Variants in LAMC3 observed in about 807,000 individuals in gnomAD.
The protein encoded by LAMC3 is laminin subunit gamma-3.
In LAMC3, 128 loss-of-function variants were observed where a neutral mutation model predicts 173.8. The ratio of observed to expected loss-of-function variants is 0.74; its 90% confidence interval spans 0.64 to 0.85. LAMC3 has a LOEUF of 0.85. Ranked by LOEUF, LAMC3 falls within the 40% of genes least tolerant of loss-of-function variation. The probability of loss-of-function intolerance (pLI) is 0.00; values close to 1 mark genes in which losing one functional copy is unlikely to be tolerated. For synonymous variants in LAMC3, 897 were observed against 909.1 expected (o/e 0.99, Z 0.24); for missense variants, 2,022 against 2,156.0 (o/e 0.94, Z 1.23).
chr9:131,041,099 G>A (rs772413475), intron 6 of LAMC3, among the ~76,000 whole-genome samples: 1 of 152,142 alleles, frequency 6.6e-6, no homozygotes, highest in Admixed American at 6.5e-5. Flanking sequence ...GAGCACGGTG[G>A]CTCATGTATG....
At chr9:131,065,731 C>T (rs759908431) in intron 13 of LAMC3, among the ~76,000 whole-genome samples, 6 of 151,912 alleles carry the variant, frequency 3.9e-5, no homozygotes, top group Admixed American at 6.6e-5. Flanking sequence ...CACCACCACA[C>T]GTGATCACGG....
At chr9:131,023,418 C>G (rs1733088944) in intron 1 of LAMC3, among the ~76,000 whole-genome samples, 1 of 152,118 alleles carries the variant, frequency 6.6e-6, no homozygotes, top group South Asian at 2.1e-4. Context: ...GGTTCCAATC[C>G]CCCAACTTCC....
At chr9:131,070,753 C>T (rs939823724) in intron 17 of LAMC3, among the ~76,000 whole-genome samples, 2 of 152,150 alleles carry the variant, frequency 1.3e-5, no homozygotes, top group Non-Finnish European at 2.9e-5. Context: ...ATCACATAAT[C>T]CCCCACTGTG....
At chr9:131,018,427 G>GC (rs939365820) in intron 1 of LAMC3, among the ~76,000 whole-genome samples, 1 of 151,914 alleles carries the variant, frequency 6.6e-6, no homozygotes, top group Non-Finnish European at 1.5e-5. Flanking sequence ...GAGCCACTGC[G>GC]CCCGGCCCCC....
At chr9:131,027,725 C>G (rs10901321) in intron 2 of LAMC3, among the ~76,000 whole-genome samples, 7,494 of 152,334 alleles carry the variant, frequency 0.049, 351 homozygotes, top group South Asian at 0.18. Flanking sequence ...AACACACACA[C>G]TGTGACCAGT....
intron 11 of LAMC3, among the ~76,000 whole-genome samples, chr9:131,055,597 T>G (rs1014026693): frequency 4.6e-5 from 7 of 151,348 alleles, no homozygotes; most frequent in African/African-American, 1.7e-4. Context: ...GCTAATTTTT[T>G]GTATTTTTTA....
chr9:131,052,644 A>C lies in LAMC3; in HGVS notation c.1784A>C (p.Gln595Pro). ...SLRHSSLSGPQDAGHPREVEL... is the reference protein window; with the variant it reads ...SLRHSSLSGPPDAGHPREVEL... ...AGGCACTCTAGCCTGTCTGGCCCCCAGGATGCCGGGCATCCCAGGGAGGTA... is the reference window on the plus strand; with the variant it reads ...AGGCACTCTAGCCTGTCTGGCCCCCCGGATGCCGGGCATCCCAGGGAGGTA... Residue 595 changes from glutamine (Q) to proline (P), a missense_variant, in exon 10 of 28, where the codon CAG becomes CCG. Physicochemically the swap from Gln to Pro is moderately conservative, Grantham distance 76 (BLOSUM62 -1). Coordinates refer to ENST00000361069, the MANE Select transcript of LAMC3 (RefSeq NM_006059.4). 6.2e-7 allele frequency: 1 copy of C among 1,613,840 alleles called. No homozygotes were observed. Among genetic ancestry groups the C allele is most frequent in the Non-Finnish European group, 8.5e-7 (1 of 1,179,934 alleles).
At position 131,091,901 on chromosome 9, in the gene LAMC3, G is replaced by A; in HGVS notation, c.*114G>A. On this transcript the variant is annotated 3_prime_UTR_variant, in exon 28 of 28. Transcript: ENST00000361069. Reference sequence around the variant, plus strand: ...GACATTCCCCGGAGCCGGCTGCTGTGAACTCGCCCCCGTGTGGATAGTCAC... The same window carrying A: ...GACATTCCCCGGAGCCGGCTGCTGTAAACTCGCCCCCGTGTGGATAGTCAC... 7.7e-7 allele frequency: 1 copy of A among 1,301,180 alleles called. No individual in the cohort carries two copies. The highest frequency in any genetic ancestry group is 1.0e-6 in the Non-Finnish European group (1 of 953,318). 80.6% of individuals were successfully genotyped at this position (1,301,180 alleles called of 1,614,324 possible). A position where few individuals can be genotyped will look rare whatever the true frequency, so the allele number is the denominator to read the frequency against.
chr9:131,078,685 A>C (rs1222592319), intron 22 of LAMC3, among the ~76,000 whole-genome samples: 1 of 152,178 alleles, frequency 6.6e-6, no homozygotes, highest in Non-Finnish European at 1.5e-5. Context: ...TCATAGGTAG[A>C]ACCTGCACAG....
At chr9:131,060,944 C>T (rs1664428178) in intron 12 of LAMC3, 91 bp from the exon 13 acceptor site, 2 of 1,356,190 alleles carry the variant, frequency 1.5e-6, no homozygotes, top group South Asian at 1.2e-5. Context: ...CCCACTTCTG[C>T]CCGGGATGTG....
At chr9:131,042,126 C>T (rs1834067918) in intron 7 of LAMC3, among the ~76,000 whole-genome samples, 1 of 152,008 alleles carries the variant, frequency 6.6e-6, no homozygotes. Context: ...TCCCGTTTCA[C>T]ACTCACTGCA....
At chr9:131,027,072 T>C (rs1267803367) in intron 2 of LAMC3, among the ~76,000 whole-genome samples, 1 of 152,180 alleles carries the variant, frequency 6.6e-6, no homozygotes, top group Non-Finnish European at 1.5e-5. Flanking sequence ...AAGTCTTCTG[T>C]GGATGCCGCT....
chr9:131,031,380 G>A lies in LAMC3; in HGVS notation c.679-665G>A, dbSNP rs542100860. On this transcript the variant is annotated intron_variant, in intron 2 of 27. Transcript: ENST00000361069. Reference sequence around the variant, plus strand: ...ATCAGCAGGTATTTATCGAGTGCCTGCTAGGGCCAGGCAGAGCCCAGGGCC... The same window carrying A: ...ATCAGCAGGTATTTATCGAGTGCCTACTAGGGCCAGGCAGAGCCCAGGGCC... Among the ~76,000 whole-genome samples, 21 of 152,332 alleles carry A rather than the reference G, an allele frequency of 1.4e-4. 1 individual carries two copies. The South Asian group carries it at 4.4e-3, about 32-fold the overall frequency.
chr9:131,085,611 C>G lies in LAMC3; in HGVS notation c.4118C>G (p.Thr1373Arg). 2 of 1,614,132 alleles carry G rather than the reference C, an allele frequency of 1.2e-6. No individual in the cohort carries two copies. The highest frequency in any genetic ancestry group is 3.3e-5 in the Admixed American group (2 of 60,014). Residue 1373 changes from threonine to arginine, a missense_variant, in exon 25 of 28, where the codon ACG (threonine) becomes AGG (arginine). Physicochemically the swap from Thr to Arg is moderately conservative, Grantham distance 71. Coordinates refer to ENST00000361069, the MANE Select transcript of LAMC3 (RefSeq NM_006059.4). Reference protein sequence around the residue: ...DSVSDRLLADTRKKTKQAERM... With the variant: ...DSVSDRLLADRRKKTKQAERM... ...GTCAGTGACAGACTCCTTGCAGACACGAGAAAGAAGACCAAGCAGGCGGAG... is the reference window on the plus strand; with the variant it reads ...GTCAGTGACAGACTCCTTGCAGACAGGAGAAAGAAGACCAAGCAGGCGGAG...
chr9:131,034,530 G>A lies in LAMC3; in HGVS notation c.810-1636G>A, dbSNP rs117685315. On this transcript the variant is annotated intron_variant, in intron 3 of 27. Coordinates refer to ENST00000361069, the MANE Select transcript of LAMC3 (RefSeq NM_006059.4). ...GGAGCCACTGAGTGGCCACAGAGGA[G>A]TGTCCAGGAGCTCAGGGTCCACGTG... 4.6e-5 allele frequency among the ~76,000 whole-genome samples: 7 copies of A among 152,368 alleles called. No homozygotes were observed. In the East Asian group the frequency reaches 1.3e-3, roughly 29 times the overall value.
At chr9:131,078,662 T>A (rs1322251122) in intron 22 of LAMC3, among the ~76,000 whole-genome samples, 1 of 152,196 alleles carries the variant, frequency 6.6e-6, no homozygotes, top group Non-Finnish European at 1.5e-5. Context: ...CCAGCACCAC[T>A]CAGGGTGTTA....
chr9:131,019,859 A>G (rs1351911635), intron 1 of LAMC3, among the ~76,000 whole-genome samples: 1 of 145,758 alleles, frequency 6.9e-6, no homozygotes, highest in Non-Finnish European at 1.5e-5. Flanking sequence ...TGGCTGAGCC[A>G]GCAGCTGGGC....
chr9:131,087,151 A>C (rs1392005289), intron 25 of LAMC3, among the ~76,000 whole-genome samples: 1 of 152,244 alleles, frequency 6.6e-6, no homozygotes, highest in African/African-American at 2.4e-5. Flanking sequence ...GCCTAGGAAA[A>C]GTGCTGGGTT....
chr9:131,069,189 C>A, intron 16 of LAMC3, 139 bp downstream of exon 16: 3 of 1,013,728 alleles, frequency 3.0e-6, no homozygotes, highest in South Asian at 1.5e-5. Flanking sequence ...CAGCCGGAAG[C>A]ATGGAGCGAG....
Sources: allele counts gnomAD v4.1 joint callset (sites outside exome capture counted in the v4.1 genomes callset), GRCh38; gene constraint gnomAD v4.1.1; transcripts MANE v1.5; gene names NCBI Gene and HGNC (gene_info 2026-07-23, HGNC 2026-07-21).